DDX27: variants seen among roughly 807,000 people sequenced by gnomAD.
DDX27 encodes the protein DEAD-box helicase 27.
A neutral mutation model predicts 99.3 loss-of-function variants in DDX27; 42 were observed. The observed-to-expected ratio is 0.42, with a 90% CI of 0.33 to 0.55. DDX27 has a LOEUF of 0.55. DDX27 is among the 20% of genes least tolerant of loss of function. DDX27 has a pLI of 0.07. For synonymous variants in DDX27, 329 were observed against 353.8 expected, an observed-to-expected ratio of 0.93 and a Z score of 0.79; for missense variants, 798 against 976.8, an observed-to-expected ratio of 0.82 and a Z score of 2.44.
At chr20:49,229,877 C>G (rs754005380) in intron 8 of DDX27, among the ~76,000 whole-genome samples, 14 of 152,060 alleles carry the variant, frequency 9.2e-5, no homozygotes, top group Non-Finnish European at 1.6e-4. Flanking sequence ...AATTCCTGAC[C>G]TGAGGTGATC....
At chr20:49,223,080 G>T in intron 3 of DDX27, 64 bp downstream of exon 3, 11 of 1,510,368 alleles carry the variant, frequency 7.3e-6, no homozygotes, top group Non-Finnish European at 6.4e-6. Context: ...CACGACCCCA[G>T]CATCTCTCTG....
At chr20:49,224,895 A>G (rs1349515883) in intron 4 of DDX27, 50 bp from the exon 5 acceptor site, 7 of 1,605,596 alleles carry the variant, frequency 4.4e-6, no homozygotes. Context: ...GCAGGATGCA[A>G]GTGCTTTGTA....
chr20:49,223,284 C>G lies in DDX27; in HGVS notation c.317C>G (p.Ser106Cys), dbSNP rs2146705958. The G allele has an allele frequency of 6.2e-7, 1 of 1,610,176 alleles. No homozygotes were observed. The highest frequency in any genetic ancestry group is 1.3e-5 in the African/African-American group (1 of 74,638). Residue 106 changes from serine to cysteine, a missense_variant, in exon 4 of 21, where the codon TCT becomes TGT. Transcript: ENST00000618172. ...TTTTCCCAGGATAAAGAAGCCAAGT[C>G]TGGGAAGTTGGAAAAGGAGAAAGAA... ...KRKTEDKEAK[S>C]GKLEKEKEAK...
intron 8 of DDX27, 142 bp downstream of exon 8, chr20:49,229,030 C>CTT (rs11477123): frequency 5.4e-4 from 154 of 287,298 alleles, no homozygotes; most frequent in South Asian, 1.9e-3. Context: ...AACTGGAAGA[C>CTT]TTTTTTTTTT....
chr20:49,230,771 GC>G (rs919891901), intron 9 of DDX27, among the ~76,000 whole-genome samples: 1 of 148,398 alleles, frequency 6.7e-6, no homozygotes, highest in Non-Finnish European at 1.5e-5. Context: ...CCCCCACCCC[GC>G]CCCCCAGCTC....
At chr20:49,242,765 C>G in intron 19 of DDX27, 84 bp downstream of exon 19, 1 of 1,241,978 alleles carries the variant, frequency 8.1e-7, no homozygotes, top group Non-Finnish European at 1.2e-6. Flanking sequence ...CTCTGTCGCC[C>G]AGGGTGGAGT....
intron 14 of DDX27, among the ~76,000 whole-genome samples, chr20:49,237,301 C>A (rs1199200793): frequency 6.6e-6 from 1 of 152,078 alleles, no homozygotes; most frequent in Non-Finnish European, 1.5e-5. Flanking sequence ...TGCACTGCAG[C>A]CTGGGCAAAA....
chr20:49,229,273 G>A (rs990188171), intron 8 of DDX27, among the ~76,000 whole-genome samples: 1 of 151,968 alleles, frequency 6.6e-6, no homozygotes, highest in Non-Finnish European at 1.5e-5. Flanking sequence ...CTCGTGATCC[G>A]CCTGCCTTGG....
Position 49,219,432 on chromosome 20 carries a change from G to A in DDX27, c.-17G>A. On this transcript the variant is annotated 5_prime_UTR_variant, in exon 1 of 21. It adds an upstream start codon to the 5' untranslated region. Transcript: ENST00000618172. Reference sequence around the variant, plus strand: ...CCGCAGGCTGTGCTCGCTTCCGGAAGTGGCTTCTGCGACAACATGCTTGCG... The same window carrying A: ...CCGCAGGCTGTGCTCGCTTCCGGAAATGGCTTCTGCGACAACATGCTTGCG... 2 of 1,614,128 alleles carry A rather than the reference G, an allele frequency of 1.2e-6. No individual in the cohort carries two copies. Among genetic ancestry groups the A allele is most frequent in the Non-Finnish European group, 1.7e-6 (2 of 1,180,020 alleles).
chr20:49,227,587 G>A (rs551635369), intron 7 of DDX27, among the ~76,000 whole-genome samples: 42 of 152,118 alleles, frequency 2.8e-4, no homozygotes, highest in African/African-American at 6.3e-4. Flanking sequence ...GGCTGGTCTC[G>A]AATTCCTGAC....
In DDX27 at chr20:49,224,992, G is replaced by T; in HGVS notation, c.513+1G>T. 1 of 1,614,190 alleles carries T rather than the reference G, an allele frequency of 6.2e-7. No individual in the cohort carries two copies. ...GAAGAAGAAGAAGAAGAAAGGACAG[G>T]TGAGCTTGGGGCTGCAAGACAGTAT... On this transcript the variant is annotated splice_donor_variant, in intron 5 of 20. Transcript: ENST00000618172. LOFTEE classifies it high-confidence loss of function.
At chr20:49,240,573 G>A (rs545522629) in intron 16 of DDX27, among the ~76,000 whole-genome samples, 16 of 152,266 alleles carry the variant, frequency 1.1e-4, no homozygotes, top group African/African-American at 3.6e-4. Context: ...GACTACAGGT[G>A]CCTGCCACCG....
chr20:49,235,063 C>A lies in DDX27; in HGVS notation c.1402C>A (p.Gln468Lys). The A allele has an allele frequency of 6.2e-7, 1 of 1,610,508 alleles. No homozygotes were observed. Among genetic ancestry groups the A allele is most frequent in the Admixed American group, 1.7e-5 (1 of 59,400 alleles). ...GGGTGAGCTCCATGGCAACTTGTCA[C>A]AGACGCAGCGGCTGGAGGCCCTCCG... ...QVGELHGNLS[Q>K]TQRLEALRRF... Residue 468 changes from glutamine (Q) to lysine (K), a missense_variant, in exon 12 of 21, where the codon CAG becomes AAG. Physicochemically the swap from Gln to Lys is moderately conservative, Grantham distance 53. This residue lies in a region of DDX27 where 553 missense variants were observed against 727.9 expected (regional missense o/e 0.76). Transcript: ENST00000618172.
In DDX27 at chr20:49,226,295, G is replaced by A. The variant is rs146861601; in HGVS notation, c.601-135G>A. The A allele has an allele frequency of 2.5e-4, 148 of 595,790 alleles. No individual in the cohort carries two copies. In the East Asian group the frequency reaches 3.8e-3, roughly 15 times the overall value. 36.9% of individuals were successfully genotyped at this position (595,790 alleles called of 1,614,324 possible). On this transcript the variant is annotated intron_variant, in intron 6 of 20. Coordinates refer to ENST00000618172, the MANE Select transcript of DDX27 (RefSeq NM_017895.8). ...GAGCACCACCTCACACATAGTAGGCGTTCAGTGAATGTTTGTGGAACGAAT... is the reference window on the plus strand; with the variant it reads ...GAGCACCACCTCACACATAGTAGGCATTCAGTGAATGTTTGTGGAACGAAT...
In DDX27 at chr20:49,244,006, A is replaced by G. The variant is rs1600979766; in HGVS notation, c.*172A>G. On this transcript the variant is annotated 3_prime_UTR_variant, in exon 21 of 21. Coordinates refer to ENST00000618172, the MANE Select transcript of DDX27 (RefSeq NM_017895.8). ...GCTATTTTCCTAAGCATGTCTGTCA[A>G]TCTCCCTTCTTGCTGATTAGCTTTC... The G allele has an allele frequency of 2.8e-6, 2 of 705,110 alleles. No individual in the cohort carries two copies. Among genetic ancestry groups the G allele is most frequent in the South Asian group, 3.8e-5 (2 of 53,050 alleles). The allele number at this position is 705,110 out of a possible 1,614,324, so 43.7% of individuals were successfully genotyped here.
At chr20:49,225,991 T>C (rs1979872917) in intron 6 of DDX27, among the ~76,000 whole-genome samples, 1 of 152,128 alleles carries the variant, frequency 6.6e-6, no homozygotes, top group Non-Finnish European at 1.5e-5. Context: ...CCCTTGCACT[T>C]TCTGTTCCCT....
chr20:49,229,943 C>T (rs886940096), intron 8 of DDX27, among the ~76,000 whole-genome samples: 10 of 152,196 alleles, frequency 6.6e-5, no homozygotes, highest in African/African-American at 2.4e-4. Flanking sequence ...AGCCACCTCG[C>T]CCAGCCCATG....
At chr20:49,227,131 G>C (rs1000569641) in intron 7 of DDX27, among the ~76,000 whole-genome samples, 2 of 151,888 alleles carry the variant, frequency 1.3e-5, no homozygotes, top group Non-Finnish European at 2.9e-5. Flanking sequence ...CAAAGTGCTG[G>C]GATTACAGGC....
chr20:49,234,122 A>T (rs1233106998), intron 11 of DDX27: 1 of 165,338 alleles, frequency 6.0e-6, no homozygotes, highest in Non-Finnish European at 1.3e-5. Flanking sequence ...TTATTTGAAC[A>T]CCCTGCGGTG....
Sources: allele counts gnomAD v4.1 joint callset (sites outside exome capture counted in the v4.1 genomes callset), GRCh38; gene constraint gnomAD v4.1.1; regional missense constraint gnomAD v4.1.1; transcripts MANE v1.5; gene names NCBI Gene and HGNC (gene_info 2026-07-23, HGNC 2026-07-21).